CCDC124: variants seen among roughly 807,000 people sequenced by gnomAD.
CCDC124 encodes the protein coiled-coil domain containing 124, also known as coiled-coil domain-containing protein 124.
CCDC124 carries 9 observed loss-of-function variants against 19.8 expected under a neutral mutation model. That is an observed-to-expected ratio of 0.45 (90% confidence interval 0.27 to 0.79). The LOEUF (loss-of-function observed/expected upper bound fraction) is 0.79. CCDC124 is among the 30% of genes least tolerant of loss of function. The probability of loss-of-function intolerance (pLI) is 0.14; values close to 1 mark genes in which losing one functional copy is unlikely to be tolerated. For missense variants in CCDC124, 285 were observed against 319.0 expected (o/e 0.89, Z 0.81); for synonymous variants, 126 against 131.3 (o/e 0.96, Z 0.27).
At chr19:17,935,369 G>T (rs1255152515) in intron 1 of CCDC124, among the ~76,000 whole-genome samples, 1 of 152,120 alleles carries the variant, frequency 6.6e-6, no homozygotes, top group Non-Finnish European at 1.5e-5. Context: ...TCTGGAACTA[G>T]ACAGAGGTGG....
At position 17,943,802 on chromosome 19, in the gene CCDC124, CAG is replaced by C. The variant is rs1716041561; in HGVS notation, c.*90_*91del. The C allele has an allele frequency of 2.2e-6, 3 of 1,373,900 alleles. No homozygotes were observed. The highest frequency in any genetic ancestry group is 2.5e-5 in the South Asian group (2 of 79,922). The allele number at this position is 1,373,900 out of a possible 1,614,324, so 85.1% of individuals were successfully genotyped here. A position where few individuals can be genotyped will look rare whatever the true frequency, so the allele number is the denominator to read the frequency against. On this transcript the variant is annotated 3_prime_UTR_variant, in exon 5 of 5. Transcript: ENST00000445755. Reference sequence around the variant, plus strand: ...TAGGCCAGGTCAGCTGCGAGGGTCACAGAGCGTTCCGGGGGCCAAGGCGCCGG... The same window carrying C: ...TAGGCCAGGTCAGCTGCGAGGGTCACAGCGTTCCGGGGGCCAAGGCGCCGG...
In CCDC124 at chr19:17,943,391, C is replaced by T; in HGVS notation, c.464+16C>T. Reference sequence around the variant, plus strand: ...CAGTGCTCAGGTAACGGGGCGGGGCCTGGGGCTTTCCCAGGGGTGGAGCTG... The same window carrying T: ...CAGTGCTCAGGTAACGGGGCGGGGCTTGGGGCTTTCCCAGGGGTGGAGCTG... On this transcript the variant is annotated intron_variant, in intron 4 of 4. Coordinates refer to ENST00000445755, the MANE Select transcript of CCDC124 (RefSeq NM_001136203.2). 1 of 1,493,294 alleles carries T rather than the reference C, an allele frequency of 6.7e-7. No individual in the cohort carries two copies. Among genetic ancestry groups the T allele is most frequent in the East Asian group, 2.6e-5 (1 of 39,066 alleles). The allele number at this position is 1,493,294 out of a possible 1,614,324, so 92.5% of individuals were successfully genotyped here. A position where few individuals can be genotyped will look rare whatever the true frequency, so the allele number is the denominator to read the frequency against.
chr19:17,942,754 G>C lies in CCDC124; in HGVS notation c.258G>C (p.Ala86=), dbSNP rs1305824955. Residue 86 remains alanine (A), a synonymous_variant, in exon 3 of 5, where the codon GCG becomes GCC. Transcript: ENST00000445755. This position sits in a 1 kb window ranked among gnomAD's most constrained non-coding sequence, Gnocchi z 4.2. ...EEDSKLKGGK[A]PRVATSSKVT... ...ACTCCAAGCTCAAGGGCGGCAAGGC[G>C]CCGCGGGTGGCCACGTCCAGCAAGG... 1.3e-6 allele frequency: 2 copies of C among 1,548,678 alleles called. No individual in the cohort carries two copies.
intron 1 of CCDC124, among the ~76,000 whole-genome samples, chr19:17,933,379 G>A (rs1056368187): frequency 1.3e-5 from 2 of 152,214 alleles, no homozygotes; most frequent in Non-Finnish European, 2.9e-5. Context: ...AAAAGGGATA[G>A]CCGGGAGGGC....
intron 1 of CCDC124, 193 bp from the exon 2 acceptor site, chr19:17,936,217 T>C (rs1568437779): frequency 3.8e-6 from 2 of 532,316 alleles, no homozygotes; most frequent in Non-Finnish European, 6.6e-6. Flanking sequence ...AATGAGCTCA[T>C]TTGGTGTCAT....
rs371269348 is a variant in CCDC124 at position 17,942,155 on chromosome 19, G to A, written c.160-501G>A. ...TGGACAGTGCTGCCCGACTCATAAG[G>A]GCAGAGCCCCTGCCCTAGCCTGAAA... On this transcript the variant is annotated intron_variant, in intron 2 of 4. Transcript: ENST00000445755. The surrounding 1 kb of genome is among the most constrained non-coding windows in gnomAD (Gnocchi z 4.2). Among the ~76,000 whole-genome samples, 3 of 152,230 alleles carry A rather than the reference G, an allele frequency of 2.0e-5. No individual in the cohort carries two copies. The South Asian group carries it at 6.2e-4, about 32-fold the overall frequency.
At chr19:17,937,906 C>A (rs2031099399) in intron 2 of CCDC124, among the ~76,000 whole-genome samples, 1 of 152,028 alleles carries the variant, frequency 6.6e-6, no homozygotes, top group South Asian at 2.1e-4. Context: ...GCTAATTTTG[C>A]ATTTTTAGTA....
rs566182855 is a variant in CCDC124, at chr19:17,933,966, A to G, written c.-12+918A>G. Among the ~76,000 whole-genome samples, 6 of 152,344 alleles carry G rather than the reference A, an allele frequency of 3.9e-5. No individual in the cohort carries two copies. The South Asian group carries it at 1.0e-3, about 26-fold the overall frequency. ...GCAAGTGAGTGAGTGTTTACTACAC[A>G]GAGAAAAGTGTCTGTATTTCCAGCT... On this transcript the variant is annotated intron_variant, in intron 1 of 4. Transcript: ENST00000445755.
At chr19:17,941,455 TGAGCCGA>T (rs2031178171) in intron 2 of CCDC124, among the ~76,000 whole-genome samples, 1 of 148,302 alleles carries the variant, frequency 6.7e-6, no homozygotes, top group Admixed American at 6.8e-5. Context: ...GAGGTTGCAG[TGAGCCGA>T]GATCGCACCA....
At chr19:17,940,410 T>C (rs1265635029) in intron 2 of CCDC124, among the ~76,000 whole-genome samples, 1 of 152,044 alleles carries the variant, frequency 6.6e-6, no homozygotes, top group East Asian at 1.9e-4. Flanking sequence ...GACCCTATCA[T>C]TGAGCATGAA....
In CCDC124 at chr19:17,942,773, A is replaced by G; in HGVS notation, c.277A>G (p.Ser93Gly). The change falls in exon 3 of 5, where the codon AGC (serine) becomes GGC (glycine). Residue 93 changes from serine (S) to glycine (G), a missense_variant. Coordinates refer to ENST00000445755, the MANE Select transcript of CCDC124 (RefSeq NM_001136203.2). The surrounding 1 kb of genome is among the most constrained non-coding windows in gnomAD (Gnocchi z 4.2). ...GGKAPRVATS[S>G]KVTRAQIEDT... ...CAAGGCGCCGCGGGTGGCCACGTCC[A>G]GCAAGGTCACCCGGGCCCAGATCGA... is the stretch of plus-strand genomic sequence containing the variant. The G allele has an allele frequency of 1.9e-6, 3 of 1,548,000 alleles. No homozygotes were observed. The highest frequency in any genetic ancestry group is 3.9e-5 in the Admixed American group (2 of 50,788).
intron 2 of CCDC124, among the ~76,000 whole-genome samples, chr19:17,939,589 G>A (rs1481671604): frequency 6.6e-6 from 1 of 151,980 alleles, no homozygotes; most frequent in Non-Finnish European, 1.5e-5. Context: ...CTATGAGGAA[G>A]AGCTGGAGCC....
At chr19:17,941,436 C>G (rs145057367) in intron 2 of CCDC124, among the ~76,000 whole-genome samples, 2 of 149,650 alleles carry the variant, frequency 1.3e-5, no homozygotes, top group Non-Finnish European at 3.0e-5. Flanking sequence ...TGCTTGAACT[C>G]GGGAGGCAGA....
chr19:17,943,474 C>T (rs1333346618), intron 4 of CCDC124, 34 bp from the exon 5 acceptor site: 10 of 1,600,152 alleles, frequency 6.2e-6, no homozygotes, highest in Non-Finnish European at 8.5e-6. Context: ...CAAGGCTGCG[C>T]CCAAGGCCCC....
chr19:17,941,511 G>GAA (rs991648717), intron 2 of CCDC124, among the ~76,000 whole-genome samples: 3 of 125,198 alleles, frequency 2.4e-5, no homozygotes, highest in Non-Finnish European at 1.7e-5. Flanking sequence ...GACTGTCTCA[G>GAA]AAAAAAAAAA....
chr19:17,943,183 C>T, intron 3 of CCDC124, 78 bp from the exon 4 acceptor site: 1 of 1,196,912 alleles, frequency 8.4e-7, no homozygotes, highest in Non-Finnish European at 1.2e-6. Flanking sequence ...CTTCTCTTGC[C>T]AGTCTCTATC....
rs202119402 is a variant in CCDC124 at position 17,943,647 on chromosome 19, A to C, written c.604A>C (p.Lys202Gln). Residue 202 changes from lysine (K) to glutamine (Q), a missense_variant, in exon 5 of 5, where the codon AAG becomes CAG. Transcript: ENST00000445755. ...RLSQLKQLLKKEWLRSPDNPM... is the reference protein window; with the variant it reads ...RLSQLKQLLKQEWLRSPDNPM... ...GTCGCAGCTGAAACAGCTGCTCAAGAAGGAGTGGCTCCGCTCTCCTGACAA... is the reference window on the plus strand; with the variant it reads ...GTCGCAGCTGAAACAGCTGCTCAAGCAGGAGTGGCTCCGCTCTCCTGACAA... 32 of 1,612,746 alleles carry C rather than the reference A, an allele frequency of 2.0e-5. No homozygotes were observed. Among genetic ancestry groups the C allele is most frequent in the Non-Finnish European group, 2.4e-5 (28 of 1,179,920 alleles).
In CCDC124 at chr19:17,942,988, T is replaced by C. The variant is rs566512662; in HGVS notation, c.349+143T>C. On this transcript the variant is annotated intron_variant, in intron 3 of 4. Transcript: ENST00000445755. The surrounding 1 kb of genome is among the most constrained non-coding windows in gnomAD (Gnocchi z 4.2). The stretch of plus-strand genomic sequence containing the variant: ...GGTGGGTGGGTAGGCCGCCTCCTGG[T>C]AGGCCTGGCCGTGAGCAGACAACCT... 3.9e-6 allele frequency: 4 copies of C among 1,029,746 alleles called. No homozygotes were observed. The highest frequency in any genetic ancestry group is 2.8e-5 in the Admixed American group (1 of 35,204). 63.8% of individuals were successfully genotyped at this position (1,029,746 alleles called of 1,614,324 possible).
At chr19:17,939,811 T>G (rs1442527886) in intron 2 of CCDC124, among the ~76,000 whole-genome samples, 1 of 151,580 alleles carries the variant, frequency 6.6e-6, no homozygotes, top group Non-Finnish European at 1.5e-5. Flanking sequence ...TTAGTAGAGA[T>G]GGGGTTTCAC....
Sources: gnomAD v4.1 joint callset for allele counts (sites outside exome capture counted in the v4.1 genomes callset) on GRCh38, gnomAD v4.1.1 for gene constraint, Gnocchi (gnomAD v3.1) non-coding constraint, MANE v1.5 for transcripts, NCBI Gene and HGNC (gene_info 2026-07-23, HGNC 2026-07-21) for gene names.